Variants in MORC2 observed in about 807,000 individuals in gnomAD.
MORC2 encodes the protein ATPase MORC2.
A neutral mutation model predicts 136.0 loss-of-function variants in MORC2; 30 were observed. The ratio of observed to expected loss-of-function variants is 0.22; its 90% CI spans 0.17 to 0.30. The LOEUF (loss-of-function observed/expected upper bound fraction) is 0.30. MORC2 is among the 10% of genes least tolerant of loss of function. MORC2 has a pLI of 1.00. For synonymous variants in MORC2, 439 were observed against 487.0 expected (o/e 0.90, Z 1.30); for missense variants, 922 against 1,333.1 (o/e 0.69, Z 4.80).
At chr22:30,929,924 A>G (rs1402764534) in intron 24 of MORC2, 2 of 152,072 alleles carry the variant, frequency 1.3e-5, no homozygotes, top group African/African-American at 4.8e-5. Flanking sequence ...ATTTCAGCTT[A>G]CTACAACCTC....
rs2041037246 is a variant in MORC2 at position 30,960,962 on chromosome 22, T to A, written c.69-2268A>T. On this transcript the variant is annotated intron_variant, in intron 1 of 25. Coordinates refer to ENST00000397641, the MANE Select transcript of MORC2 (RefSeq NM_001303256.3). ...CTCACTGCAACCTCTGCCTCCAGGG[T>A]TCAAGCAATTCTTCTGCCTCAGCCT... 2.0e-5 allele frequency among the ~76,000 whole-genome samples: 3 copies of A among 151,768 alleles called. No individual in the cohort carries two copies. The South Asian group carries it at 6.2e-4, about 32-fold the overall frequency.
chr22:30,958,895 C>T, intron 1 of MORC2: 1 of 503,246 alleles, frequency 2.0e-6, no homozygotes, highest in Non-Finnish European at 3.5e-6. Context: ...GCCATCTATT[C>T]AGAAATGATT....
intron 1 of MORC2, chr22:30,967,260 C>T: frequency 1.0e-6 from 1 of 986,316 alleles, no homozygotes; most frequent in Non-Finnish European, 1.2e-6. Flanking sequence ...GAAAGACTAT[C>T]TAAATAGAGA....
intron 3 of MORC2, among the ~76,000 whole-genome samples, 194 bp downstream of exon 3, chr22:30,956,569 T>C (rs1400218233): frequency 6.6e-6 from 1 of 152,248 alleles, no homozygotes; most frequent in African/African-American, 2.4e-5. Flanking sequence ...TTGAAACCAA[T>C]ATTCTTGGTT....
At chr22:30,930,668 C>T (rs948986732) in intron 24 of MORC2, among the ~76,000 whole-genome samples, 1 of 152,214 alleles carries the variant, frequency 6.6e-6, no homozygotes. Context: ...ACAACTGCCC[C>T]ACGAGGACCC....
Position 30,929,055 on chromosome 22 carries a change from T to C in MORC2, c.2842-848A>G, listed in dbSNP as rs1404312751. ...CATTAGCTGCCTAGCCTGGAGAGGC[T>C]TCTAGATGCCATTTTTAAAAACTGT... is the stretch of plus-strand genomic sequence containing the variant. On this transcript the variant is annotated intron_variant, in intron 24 of 25. Coordinates refer to ENST00000397641, the MANE Select transcript of MORC2 (RefSeq NM_001303256.3). Among the ~76,000 whole-genome samples the C allele has an allele frequency of 3.3e-5, 5 of 152,246 alleles. No individual in the cohort carries two copies. The East Asian group carries it at 7.7e-4, about 23-fold the overall frequency.
chr22:30,955,385 G>C (rs953130134), intron 3 of MORC2, among the ~76,000 whole-genome samples: 3 of 152,118 alleles, frequency 2.0e-5, no homozygotes, highest in African/African-American at 4.8e-5. Flanking sequence ...TGAACAAAAG[G>C]CTTTCAGAAT....
In MORC2 at chr22:30,932,809, C is replaced by A. The variant is rs375446261; in HGVS notation, c.2523-40G>T. ...CAGCTTATGTCATGTCTGACCCGGG[C>A]TCCCAGGATGGGCTGCTGGCAGGGA... On this transcript the variant is annotated intron_variant, in intron 22 of 25. Transcript: ENST00000397641. This position sits in a 1 kb window ranked among gnomAD's most constrained non-coding sequence, Gnocchi z 4.4. The A allele has an allele frequency of 2.7e-5, 43 of 1,613,092 alleles. No individual in the cohort carries two copies. The African/African-American group carries it at 4.9e-4, about 18-fold the overall frequency.
intron 4 of MORC2, 40 bp downstream of exon 4, chr22:30,950,337 G>GGGGGGGGGC: frequency 3.9e-6 from 3 of 761,768 alleles, no homozygotes; most frequent in Non-Finnish European, 7.0e-6. Context: ...TGGTTACATC[G>GGGGGGGGGC]CACCCCCCCA....
At position 30,932,470 on chromosome 22, in the gene MORC2, A is replaced by G; in HGVS notation, c.2748-18T>C. The stretch of plus-strand genomic sequence containing the variant: ...AACAATTCCTAAAGAAGGCAGGGAC[A>G]GTAATTCAGAATGGCATGGAGCAGG... On this transcript the variant is annotated intron_variant, in intron 23 of 25. Coordinates refer to ENST00000397641, the MANE Select transcript of MORC2 (RefSeq NM_001303256.3). The surrounding 1 kb of genome is among the most constrained non-coding windows in gnomAD (Gnocchi z 4.4). 1 of 1,613,250 alleles carries G rather than the reference A, an allele frequency of 6.2e-7. No individual in the cohort carries two copies. The highest frequency in any genetic ancestry group is 8.5e-7 in the Non-Finnish European group (1 of 1,179,230).
intron 2 of MORC2, among the ~76,000 whole-genome samples, chr22:30,958,363 A>G (rs2040996064): frequency 6.6e-6 from 1 of 152,232 alleles, no homozygotes; most frequent in African/African-American, 2.4e-5. Flanking sequence ...TACTACAATT[A>G]TCTTGCTCTA....
chr22:30,933,076 C>T (rs184463234), intron 21 of MORC2, 46 bp from the exon 22 acceptor site: 27 of 1,607,812 alleles, frequency 1.7e-5, no homozygotes, highest in Non-Finnish European at 2.2e-5. Flanking sequence ...AGCGTAGAGT[C>T]CCTCACTTGG....
chr22:30,961,791 T>C (rs560386651), intron 1 of MORC2, among the ~76,000 whole-genome samples: 6 of 152,264 alleles, frequency 3.9e-5, no homozygotes, highest in African/African-American at 1.4e-4. Flanking sequence ...AACAGAAATT[T>C]CAACTGCTTC....
chr22:30,958,787 A>G, intron 1 of MORC2, 93 bp from the exon 2 acceptor site: 1 of 1,199,478 alleles, frequency 8.3e-7, no homozygotes, highest in Non-Finnish European at 1.2e-6. Context: ...AAGTTTTTTG[A>G]AAAAAATCTT....
chr22:30,957,013 AG>A (rs2040976509), intron 2 of MORC2, among the ~76,000 whole-genome samples: 1 of 152,226 alleles, frequency 6.6e-6, no homozygotes, highest in African/African-American at 2.4e-5. Context: ...AAATTATTGA[AG>A]ATGATCACAT....
intron 24 of MORC2, chr22:30,929,905 A>T (rs1251247547): frequency 6.6e-6 from 1 of 152,114 alleles, no homozygotes; most frequent in Non-Finnish European, 1.5e-5. Context: ...GCTGGAGTCC[A>T]GTGGCACAAT....
At chr22:30,964,367 A>AAAAAC (rs1331147297) in intron 1 of MORC2, among the ~76,000 whole-genome samples, 6 of 152,256 alleles carry the variant, frequency 3.9e-5, no homozygotes, top group South Asian at 2.1e-4. Context: ...AAAAAAAACC[A>AAAAAC]AAAACAAAAC....
At chr22:30,958,774 TTTAAG>T in intron 1 of MORC2, 80 bp from the exon 2 acceptor site, 1 of 1,322,640 alleles carries the variant, frequency 7.6e-7, no homozygotes, top group Non-Finnish European at 1.0e-6. Context: ...TTATAAAATA[TTTAAG>T]TTTTTTGAAA....
chr22:30,968,465 T>G lies in MORC2; in HGVS notation c.-576A>C, dbSNP rs913986329. Among the ~76,000 whole-genome samples, 1 of 152,162 alleles carries G rather than the reference T, an allele frequency of 6.6e-6. No individual in the cohort carries two copies. The highest frequency in any genetic ancestry group is 2.4e-5 in the African/African-American group (1 of 41,440). On this transcript the variant is annotated 5_prime_UTR_variant, in exon 1 of 26. Coordinates refer to ENST00000397641, the MANE Select transcript of MORC2 (RefSeq NM_001303256.3). ...AGTTGCAGCTTCACCACCTCCCAAG[T>G]GAAAAAGCTCCTAGGCACTCACGAT...
Sources: gnomAD v4.1 joint callset for allele counts (sites outside exome capture counted in the v4.1 genomes callset) on GRCh38, gnomAD v4.1.1 for gene constraint, Gnocchi (gnomAD v3.1) non-coding constraint, MANE v1.5 for transcripts, NCBI Gene and HGNC (gene_info 2026-07-23, HGNC 2026-07-21) for gene names.